HELZ: variants seen among roughly 807,000 people sequenced by gnomAD.
HELZ encodes the protein helicase with zinc finger, also known as ATP-dependent RNA helicase with zinc finger domain.
HELZ carries 23 observed loss-of-function variants against 218.2 expected under a neutral mutation model. That is an observed-to-expected ratio of 0.11 (90% CI 0.08 to 0.15). The LOEUF is 0.15. HELZ is among the 10% of genes least tolerant of loss of function. HELZ has a pLI of 1.00. For missense variants in HELZ, 1,813 were observed against 2,353.7 expected (o/e 0.77, Z 4.75); for synonymous variants, 814 against 829.4 (o/e 0.98, Z 0.32).
At chr17:67,170,652 C>A (rs548324378) in intron 13 of HELZ, among the ~76,000 whole-genome samples, 2 of 152,128 alleles carry the variant, frequency 1.3e-5, no homozygotes, top group South Asian at 2.1e-4. Flanking sequence ...CATGGTGAAA[C>A]CCTGTCTCTA....
rs1555595460 is a variant in HELZ at position 67,089,696 on chromosome 17, G to GAGAGAC, written c.5242-2621_5242-2616dup. On this transcript the variant is annotated intron_variant, in intron 31 of 32. Transcript: ENST00000358691. ...AGAGAGAGAGAGAGAGAGAGAGAGAGAGAGACAGAGAGACAGAGAGAGAGA... is the reference window on the plus strand; with the variant it reads ...AGAGAGAGAGAGAGAGAGAGAGAGAGAGAGACAGAGACAGAGAGACAGAGAGAGAGA... Among the ~76,000 whole-genome samples the GAGAGAC allele has an allele frequency of 4.7e-3, 577 of 122,012 alleles. 11 individuals are homozygous for GAGAGAC. The highest frequency in any genetic ancestry group is 9.7e-3 in the South Asian group (35 of 3,608). The allele number at this position is 122,012 out of a possible 152,430, so 80.0% of individuals were successfully genotyped here.
intron 3 of HELZ, among the ~76,000 whole-genome samples, chr17:67,232,322 T>A (rs1362673850): frequency 6.6e-6 from 1 of 151,966 alleles, no homozygotes; most frequent in Non-Finnish European, 1.5e-5. Context: ...CCCGGCTAAT[T>A]TTTGTATTTT....
chr17:67,187,910 T>A (rs2039799720), intron 12 of HELZ, among the ~76,000 whole-genome samples: 1 of 152,188 alleles, frequency 6.6e-6, no homozygotes. Flanking sequence ...AACAATGTAC[T>A]AACATCAGCA....
At position 67,202,009 on chromosome 17, in the gene HELZ, T is replaced by C. The variant is rs78303268; in HGVS notation, c.373-824A>G. Among the ~76,000 whole-genome samples the C allele has an allele frequency of 4.3e-4, 65 of 152,144 alleles. 1 individual carries two copies. In the East Asian group the frequency reaches 0.011, roughly 26 times the overall value. On this transcript the variant is annotated intron_variant, in intron 6 of 32. Transcript: ENST00000358691. ...TACACTCAACAATATACCAAGTACT[T>C]CCCTAACTTCTTTTTTTTTAACCAA... is the stretch of plus-strand genomic sequence containing the variant.
At chr17:67,233,492 T>A (rs1413297397) in intron 3 of HELZ, among the ~76,000 whole-genome samples, 4 of 152,218 alleles carry the variant, frequency 2.6e-5, no homozygotes, top group Non-Finnish European at 5.9e-5. Flanking sequence ...CATTTCTCAG[T>A]GTGAAGCAGA....
intron 1 of HELZ, chr17:67,244,697 G>A (rs571791693): frequency 2.0e-6 from 2 of 984,294 alleles, no homozygotes; most frequent in Non-Finnish European, 2.4e-6. Flanking sequence ...CACCCCACCC[G>A]GTGGAAGTCC....
Position 67,108,614 on chromosome 17 carries a change from G to A in HELZ, c.4602C>T (p.His1534=). 6.2e-7 allele frequency: 1 copy of A among 1,614,082 alleles called. No homozygotes were observed. Among genetic ancestry groups the A allele is most frequent in the Non-Finnish European group, 8.5e-7 (1 of 1,179,970 alleles). The stretch of plus-strand genomic sequence containing the variant: ...GATGCTGGAGGTGAGGATGGTGATG[G>A]TGTGGGTATGGAGCGCTGCCCTGAC... ...FLSQGSAPYP[H]HHHPHLQHLP... The change falls in exon 30 of 33, where the codon CAC becomes CAT. Residue 1534 remains histidine, a synonymous_variant. Transcript: ENST00000358691. The surrounding 1 kb of genome is among the most constrained non-coding windows in gnomAD (Gnocchi z 4.1).
chr17:67,162,872 T>C (rs2039030215), intron 15 of HELZ, among the ~76,000 whole-genome samples: 1 of 152,094 alleles, frequency 6.6e-6, no homozygotes, highest in Non-Finnish European at 1.5e-5. Context: ...AAAATGAACA[T>C]GCCCTACATA....
At chr17:67,191,398 C>T (rs769786042) in intron 9 of HELZ, among the ~76,000 whole-genome samples, 153 of 152,080 alleles carry the variant, frequency 1.0e-3, no homozygotes, top group Admixed American at 2.6e-3. Flanking sequence ...ACGTTTACAA[C>T]TCGGAAAATT....
Position 67,109,164 on chromosome 17 carries a change from T to C in HELZ, c.4441A>G (p.Ser1481Gly). 6.2e-7 allele frequency: 1 copy of C among 1,613,924 alleles called. No individual in the cohort carries two copies. The highest frequency in any genetic ancestry group is 1.1e-5 in the South Asian group (1 of 91,066). ...CCCGAGGGGTTCTCATCAATGAAGC[T>C]ATTCAGATGTGAAGGAAGAATGGGG... The part of the protein sequence containing the change: ...PGPILPSHLN[S>G]FIDENPSGLP... Residue 1481 changes from serine to glycine, a missense_variant, in exon 29 of 33, where the codon AGC becomes GGC. Physicochemically the swap from Ser to Gly is moderately conservative, Grantham distance 56. Around this residue, in one of 4 missense-constraint regions of HELZ, gnomAD observed 938 missense variants for 1,027.5 expected, o/e 0.91. Coordinates refer to ENST00000358691, the MANE Select transcript of HELZ (RefSeq NM_014877.4).
rs1366112518 is a variant in HELZ, at chr17:67,072,927, T to C, written c.*5325A>G. ...GCATCGCCTGGAAACTTGTTGGAAATGCAAATCATCAGGCTCCAGACCAAA... is the reference window on the plus strand; with the variant it reads ...GCATCGCCTGGAAACTTGTTGGAAACGCAAATCATCAGGCTCCAGACCAAA... On this transcript the variant is annotated 3_prime_UTR_variant, in exon 33 of 33. Coordinates refer to ENST00000358691, the MANE Select transcript of HELZ (RefSeq NM_014877.4). 2 of 152,208 alleles carry C rather than the reference T, an allele frequency of 1.3e-5. No individual in the cohort carries two copies. Among genetic ancestry groups the C allele is most frequent in the South Asian group, 2.1e-4 (1 of 4,832 alleles). The allele number at this position is 152,208 out of a possible 1,614,324, so 9.4% of individuals were successfully genotyped here. A position where few individuals can be genotyped will look rare whatever the true frequency, so the allele number is the denominator to read the frequency against.
chr17:67,199,603 A>G (rs1005291055), intron 7 of HELZ, among the ~76,000 whole-genome samples: 3 of 152,192 alleles, frequency 2.0e-5, no homozygotes, highest in African/African-American at 7.2e-5. Flanking sequence ...AGTTAGTGAG[A>G]GCTTACTGAT....
intron 32 of HELZ, among the ~76,000 whole-genome samples, 198 bp downstream of exon 32, chr17:67,086,631 A>AATAT (rs71139116): frequency 0.034 from 3,207 of 92,968 alleles, 118 homozygotes; most frequent in Middle Eastern, 0.053. Context: ...TATAAATATA[A>AATAT]ATATATATAT....
chr17:67,105,780 C>A (rs1204882650), intron 31 of HELZ, among the ~76,000 whole-genome samples: 2 of 152,248 alleles, frequency 1.3e-5, no homozygotes, highest in East Asian at 3.9e-4. Flanking sequence ...TATGTAGATA[C>A]CAATTCATCT....
At chr17:67,177,646 T>TA (rs369803110) in intron 13 of HELZ, among the ~76,000 whole-genome samples, 30,990 of 142,998 alleles carry the variant, frequency 0.22, 3,463 homozygotes, top group African/African-American at 0.32. Flanking sequence ...ACACAATTGA[T>TA]AAAAAAAAAA....
chr17:67,151,174 T>A lies in HELZ; in HGVS notation c.2228A>T (p.Gln743Leu). 6.2e-7 allele frequency: 1 copy of A among 1,613,956 alleles called. No homozygotes were observed. The highest frequency in any genetic ancestry group is 2.2e-5 in the East Asian group (1 of 44,864). ...ATGTGCGCTTGAGATCAAACAGTAC[T>A]GATGCACAACTGGGTGGACAGTCTT... ...WVKTVHPVVH[Q>L]YCLISSAHST... is the part of the protein sequence containing the mutation. The change falls in exon 18 of 33, where the codon CAG becomes CTG. Residue 743 changes from glutamine to leucine, a missense_variant. By Grantham distance (113) the Gln-to-Leu change is moderately radical. This residue lies in a region of HELZ where 714 missense variants were observed against 1,029.2 expected (regional missense o/e 0.69). Transcript: ENST00000358691.
chr17:67,237,740 G>A (rs1160446812), intron 3 of HELZ, among the ~76,000 whole-genome samples: 1 of 152,110 alleles, frequency 6.6e-6, no homozygotes, highest in African/African-American at 2.4e-5. Context: ...TGTAATCCCA[G>A]CTCTTTGGGA....
intron 5 of HELZ, among the ~76,000 whole-genome samples, 190 bp from the exon 6 acceptor site, chr17:67,203,633 G>A (rs189045863): frequency 3.9e-5 from 6 of 152,070 alleles, no homozygotes; most frequent in South Asian, 2.1e-4. Flanking sequence ...AAAAACATGC[G>A]GCAATAAACA....
chr17:67,244,235 C>G (rs2041405088), intron 1 of HELZ, among the ~76,000 whole-genome samples: 1 of 152,150 alleles, frequency 6.6e-6, no homozygotes, highest in African/African-American at 2.4e-5. Flanking sequence ...TCCACTGTCT[C>G]TGAAGTTACA....
Sources: allele counts gnomAD v4.1 joint callset (sites outside exome capture counted in the v4.1 genomes callset), GRCh38; gene constraint gnomAD v4.1.1; regional missense constraint gnomAD v4.1.1; non-coding constraint Gnocchi (gnomAD v3.1); transcripts MANE v1.5; gene names NCBI Gene and HGNC (gene_info 2026-07-23, HGNC 2026-07-21).